The following DHX8 variants were observed in gnomAD, a reference collection of about 807,000 sequenced individuals.
The protein encoded by DHX8 is DEAH-box helicase 8.
Under a neutral mutation model 140.7 loss-of-function variants are expected in DHX8, and 67 were observed. That is an observed-to-expected ratio of 0.48 (90% CI 0.39 to 0.58). The LOEUF (loss-of-function observed/expected upper bound fraction) is 0.58. DHX8 is among the 20% of genes least tolerant of loss of function. DHX8 has a pLI of 0.00. For missense variants in DHX8, 887 were observed against 1,550.7 expected, an observed-to-expected ratio of 0.57 and a Z score of 7.19; for synonymous variants, 533 against 553.2, an observed-to-expected ratio of 0.96 and a Z score of 0.51.
At chr17:43,484,304 C>G in intron 1 of DHX8, 119 bp downstream of exon 1, 1 of 1,227,054 alleles carries the variant, frequency 8.1e-7, no homozygotes, top group African/African-American at 1.5e-5. Flanking sequence ...CTGTCTCTCT[C>G]TGTCGCAGAC....
At position 43,517,193 on chromosome 17, in the gene DHX8, AGCTGGGAGAACAG is replaced by A. The variant is rs1240647309; in HGVS notation, c.2673_2685del (p.Gly892GlnfsTer18). The A allele has an allele frequency of 1.2e-6, 2 of 1,613,966 alleles. No individual in the cohort carries two copies. The highest frequency in any genetic ancestry group is 1.7e-6 in the Non-Finnish European group (2 of 1,179,948). ...CTCAGGCAAAGCAACGAGCTGGCAG[AGCTGGGAGAACAG>A]GCCCAGGGAAGTGTTACAGGTTGTA... On this transcript the variant is annotated frameshift_variant, in exon 18 of 23. Coordinates refer to ENST00000262415, the MANE Select transcript of DHX8 (RefSeq NM_004941.3). LOFTEE classifies it high-confidence loss of function.
chr17:43,526,538 G>C, downstream of DHX8: 1 of 1,535,662 alleles, frequency 6.5e-7, no homozygotes, highest in African/African-American at 1.4e-5. Context: ...CTGTCTCATT[G>C]GAGCAGTGCC....
downstream of DHX8, among the ~76,000 whole-genome samples, chr17:43,527,445 C>G (rs1970650217): frequency 6.6e-6 from 1 of 152,232 alleles, no homozygotes; most frequent in Non-Finnish European, 1.5e-5. Context: ...ATGGGAACAA[C>G]TGGGATCACA....
chr17:43,524,910 G>T lies in DHX8; in HGVS notation c.*1063G>T. The T allele has an allele frequency of 2.0e-6, 2 of 985,056 alleles. No homozygotes were observed. The highest frequency in any genetic ancestry group is 2.4e-6 in the Non-Finnish European group (2 of 829,910). The allele number at this position is 985,056 out of a possible 1,614,324, so 61.0% of individuals were successfully genotyped here. The stretch of plus-strand genomic sequence containing the variant: ...AGTGGTTTTTTCCTAGCACTTGCTT[G>T]GAGAATAGCCACCTCCTTGTGCCCT... On this transcript the variant is annotated 3_prime_UTR_variant, in exon 23 of 23. Transcript: ENST00000262415.
At chr17:43,492,398 G>T (rs1204967665) in intron 5 of DHX8, 106 bp downstream of exon 5, 7 of 769,282 alleles carry the variant, frequency 9.1e-6, no homozygotes, top group African/African-American at 1.7e-5. Flanking sequence ...ATCTGGACTG[G>T]TCATATATCA....
chr17:43,532,716 C>G, intron 2 of DHX8: 2 of 1,613,870 alleles, frequency 1.2e-6, no homozygotes, highest in Non-Finnish European at 1.7e-6. Context: ...TTGATCACCA[C>G]CCCCGCCCCT....
chr17:43,513,223 G>T (rs1969938338), intron 16 of DHX8, 139 bp from the exon 17 acceptor site: 1 of 893,460 alleles, frequency 1.1e-6, no homozygotes, highest in Non-Finnish European at 1.6e-6. Context: ...GCTGAGCTGG[G>T]ATTAAGTGTC....
intron 11 of DHX8, among the ~76,000 whole-genome samples, chr17:43,501,713 G>A (rs1226693236): frequency 2.8e-5 from 4 of 142,266 alleles, no homozygotes; most frequent in South Asian, 2.3e-4. Context: ...TCGAACTCGC[G>A]ACCTCAGGTG....
At chr17:43,539,329 C>T (rs1397772370) in intron 3 of DHX8, among the ~76,000 whole-genome samples, 1 of 152,126 alleles carries the variant, frequency 6.6e-6, no homozygotes, top group Non-Finnish European at 1.5e-5. Flanking sequence ...TTTTTCCTGA[C>T]CATCAGAGTC....
At chr17:43,526,105 A>G (rs2059187083), downstream of DHX8, 19 of 985,226 alleles carry the variant, frequency 1.9e-5, no homozygotes, top group Non-Finnish European at 2.0e-5. Context: ...CAATGTCAGC[A>G]GCTGAGCTGA....
chr17:43,489,866 A>T (rs1178570336), intron 2 of DHX8, among the ~76,000 whole-genome samples: 1 of 152,192 alleles, frequency 6.6e-6, no homozygotes, highest in Non-Finnish European at 1.5e-5. Flanking sequence ...CTGGGATTAC[A>T]TAATTTATGT....
downstream of DHX8, among the ~76,000 whole-genome samples, chr17:43,527,253 TCTC>T (rs1289559000): frequency 6.6e-6 from 1 of 152,154 alleles, no homozygotes; most frequent in Non-Finnish European, 1.5e-5. Flanking sequence ...GAAGATCTAA[TCTC>T]CACTGGCCAG....
intron 1 of DHX8, among the ~76,000 whole-genome samples, chr17:43,486,191 C>CAA (rs199805080): frequency 4.4e-5 from 4 of 91,934 alleles, no homozygotes; most frequent in Non-Finnish European, 4.6e-5. Flanking sequence ...GACTTTATTT[C>CAA]AAAAAAAAAA....
Position 43,492,997 on chromosome 17 carries a change from A to G in DHX8, c.820A>G (p.Ser274Gly), listed in dbSNP as rs1227172194. 6.2e-7 allele frequency: 1 copy of G among 1,614,220 alleles called. No homozygotes were observed. The highest frequency in any genetic ancestry group is 2.2e-5 in the East Asian group (1 of 44,888). The change falls in exon 6 of 23, where the codon AGC becomes GGC. Residue 274 changes from serine (S) to glycine (G), a missense_variant. By Grantham distance (56) the Ser-to-Gly change is moderately conservative (BLOSUM62 0). Transcript: ENST00000262415. ...TGACATTTATAATGGCAAAGTTACC[A>G]GCATCATGCAGTTTGGTTGCTTTGT... is the stretch of plus-strand genomic sequence containing the variant. ...IGDIYNGKVT[S>G]IMQFGCFVQL...
At position 43,513,546 on chromosome 17, in the gene DHX8, G is replaced by A; in HGVS notation, c.2643+44G>A. ...ACAGTTTTCCTGATAATCCTGATTA[G>A]GGCCTTTCTGAAACTTTTTTATGGT... On this transcript the variant is annotated intron_variant, in intron 17 of 22. Transcript: ENST00000262415. The A allele has an allele frequency of 1.9e-6, 3 of 1,588,352 alleles. No individual in the cohort carries two copies. In the South Asian group the frequency reaches 3.4e-5, roughly 18 times the overall value.
At chr17:43,530,505 G>T, downstream of DHX8, 1 of 1,153,136 alleles carries the variant, frequency 8.7e-7, no homozygotes, top group Non-Finnish European at 1.1e-6. Context: ...GGGAGGGTGA[G>T]ATGAACGTCC....
chr17:43,498,442 C>T (rs919983668), intron 9 of DHX8, among the ~76,000 whole-genome samples: 9 of 150,114 alleles, frequency 6.0e-5, no homozygotes, highest in South Asian at 4.2e-4. Flanking sequence ...CCACTGCACC[C>T]GGCCTTTTTT....
At chr17:43,484,243 AAGGAGG>A in intron 1 of DHX8, 58 bp downstream of exon 1, 1 of 1,554,368 alleles carries the variant, frequency 6.4e-7, no homozygotes, top group Admixed American at 1.7e-5. Context: ...CGGAAGGAGG[AAGGAGG>A]AAGGAGAAAG....
chr17:43,537,870 T>G (rs1971326245), intron 3 of DHX8, among the ~76,000 whole-genome samples: 1 of 152,138 alleles, frequency 6.6e-6, no homozygotes, highest in African/African-American at 2.4e-5. Flanking sequence ...GGCTCACGCC[T>G]GTAATCCCAG....
Sources: gnomAD v4.1 joint callset for allele counts (sites outside exome capture counted in the v4.1 genomes callset) on GRCh38, gnomAD v4.1.1 for gene constraint, MANE v1.5 for transcripts, NCBI Gene and HGNC (gene_info 2026-07-23, HGNC 2026-07-21) for gene names.